Variants in CFAP44 observed in about 807,000 individuals in gnomAD.
CFAP44 encodes cilia and flagella associated protein 44, also known as cilia- and flagella-associated protein 44.
CFAP44 carries 134 observed loss-of-function variants against 216.2 expected under a neutral mutation model. The ratio of observed to expected loss-of-function variants is 0.62; its 90% CI spans 0.54 to 0.72. CFAP44 has a LOEUF of 0.72. Among genes scored for constraint, CFAP44 ranks in the 30% least tolerant of loss-of-function variants. The pLI is 0.00. For missense variants in CFAP44, 2,035 were observed against 2,182.1 expected (o/e 0.93, Z 1.34); for synonymous variants, 700 against 727.6 (o/e 0.96, Z 0.61).
intron 28 of CFAP44, among the ~76,000 whole-genome samples, chr3:113,324,517 G>C (rs925750149): frequency 7.2e-5 from 11 of 152,050 alleles, no homozygotes; most frequent in African/African-American, 2.7e-4. Context: ...AAAATTACAT[G>C]ATCATGAATC....
At chr3:113,317,173 T>C (rs1950096042) in intron 28 of CFAP44, among the ~76,000 whole-genome samples, 1 of 152,212 alleles carries the variant, frequency 6.6e-6, no homozygotes, top group Non-Finnish European at 1.5e-5. Context: ...TCTGGAATCC[T>C]GGCTATAGGG....
At chr3:113,427,103 T>C in intron 3 of CFAP44, 84 bp downstream of exon 3, 1 of 1,426,430 alleles carries the variant, frequency 7.0e-7, no homozygotes, top group South Asian at 1.2e-5. Flanking sequence ...CATTTTTCTT[T>C]CTATGGATTT....
Position 113,413,853 on chromosome 3 carries a change from G to A in CFAP44, c.673+2672C>T, listed in dbSNP as rs114124315. 7.1e-3 allele frequency among the ~76,000 whole-genome samples: 1,078 copies of A among 152,272 alleles called. 7 individuals carry two copies. The highest frequency in any genetic ancestry group is 0.013 in the Non-Finnish European group (878 of 68,016). On this transcript the variant is annotated intron_variant, in intron 6 of 34. Transcript: ENST00000393845. ...GTCTTGACTGTATGGGGTCTTCTTT[G>A]ATTCCACGTGAAACTTAAAATCACT... is the stretch of plus-strand genomic sequence containing the variant.
chr3:113,347,634 C>T (rs1005493976), intron 22 of CFAP44, among the ~76,000 whole-genome samples: 1 of 152,186 alleles, frequency 6.6e-6, no homozygotes, highest in Admixed American at 6.5e-5. Context: ...GGGAGACCAA[C>T]TATCCTTTTA....
intron 18 of CFAP44, among the ~76,000 whole-genome samples, chr3:113,372,663 G>T (rs979577093): frequency 1.3e-5 from 2 of 152,140 alleles, no homozygotes; most frequent in African/African-American, 4.8e-5. Flanking sequence ...AGCCAACATG[G>T]CATATGTATA....
intron 16 of CFAP44, 134 bp from the exon 17 acceptor site, chr3:113,379,685 A>C: frequency 3.2e-6 from 2 of 615,954 alleles, no homozygotes; most frequent in Non-Finnish European, 4.9e-6. Context: ...ATACTCACCA[A>C]TGCGAGAATA....
intron 9 of CFAP44, among the ~76,000 whole-genome samples, chr3:113,403,170 G>A (rs1934187607): frequency 6.6e-6 from 1 of 152,036 alleles, no homozygotes; most frequent in Non-Finnish European, 1.5e-5. Context: ...TCTTATGAAA[G>A]GCCCCACTGA....
At chr3:113,331,142 C>T (rs781062863) in intron 25 of CFAP44, among the ~76,000 whole-genome samples, 6 of 152,140 alleles carry the variant, frequency 3.9e-5, no homozygotes, top group Non-Finnish European at 8.8e-5. Flanking sequence ...TGTATTTTGG[C>T]CACATGATTA....
intron 23 of CFAP44, among the ~76,000 whole-genome samples, chr3:113,343,153 TG>T (rs1196995523): frequency 1.3e-5 from 2 of 148,722 alleles, no homozygotes; most frequent in African/African-American, 4.9e-5. Context: ...CCTCCACCTC[TG>T]GGGTTCAAGT....
chr3:113,391,719 T>C (rs1355652757), intron 15 of CFAP44, among the ~76,000 whole-genome samples: 1 of 152,142 alleles, frequency 6.6e-6, no homozygotes, highest in Non-Finnish European at 1.5e-5. Flanking sequence ...AAAAATCTAC[T>C]AATCCAATTT....
intron 5 of CFAP44, among the ~76,000 whole-genome samples, chr3:113,417,584 G>C (rs1934683538): frequency 6.6e-6 from 1 of 152,150 alleles, no homozygotes; most frequent in African/African-American, 2.4e-5. Flanking sequence ...ATAAGACAAA[G>C]AGCCTGGTTC....
chr3:113,406,825 A>G (rs1478833792), intron 8 of CFAP44, 102 bp downstream of exon 8: 2 of 682,810 alleles, frequency 2.9e-6, no homozygotes, highest in Non-Finnish European at 5.0e-6. Flanking sequence ...TTACAATAAT[A>G]TCTGTTATTG....
At chr3:113,422,051 T>C (rs1021247779) in intron 4 of CFAP44, among the ~76,000 whole-genome samples, 4 of 146,720 alleles carry the variant, frequency 2.7e-5, no homozygotes, top group Admixed American at 6.7e-5. Flanking sequence ...TTTAAATGTA[T>C]ATTGTTAGTA....
At position 113,409,097 on chromosome 3, in the gene CFAP44, C is replaced by T. The variant is rs1934378980; in HGVS notation, c.890+9G>A. On this transcript the variant is annotated intron_variant, in intron 7 of 34. Coordinates refer to ENST00000393845, the MANE Select transcript of CFAP44 (RefSeq NM_001164496.2). ...ATCTACTGGCACCTCTATTGGTTAC[C>T]CAACCTACTTGATGTGGCCTGATCC... 6.2e-7 allele frequency: 1 copy of T among 1,610,142 alleles called. No individual in the cohort carries two copies. The highest frequency in any genetic ancestry group is 8.5e-7 in the Non-Finnish European group (1 of 1,178,020).
Position 113,396,536 on chromosome 3 carries a change from C to T in CFAP44, c.1761G>A (p.Gly587=), listed in dbSNP as rs1169195495. The T allele has an allele frequency of 1.2e-6, 2 of 1,613,984 alleles. No individual in the cohort carries two copies. The highest frequency in any genetic ancestry group is 2.7e-5 in the African/African-American group (2 of 75,000). Residue 587 remains glycine (G), a synonymous_variant, in exon 14 of 35, where the codon GGG becomes GGA. Coordinates refer to ENST00000393845, the MANE Select transcript of CFAP44 (RefSeq NM_001164496.2). ...CVTALAYERD[G]EILATGSKDQ... is the part of the protein sequence containing the mutation. ...TGCTTACCCCTGTGGCTAGAATTTC[C>T]CCATCACGTTCATAAGCTAAAGCAG... is the stretch of plus-strand genomic sequence containing the variant.
chr3:113,331,291 T>C (rs1442668256), intron 25 of CFAP44, among the ~76,000 whole-genome samples: 1 of 152,108 alleles, frequency 6.6e-6, no homozygotes, highest in East Asian at 1.9e-4. Flanking sequence ...ACAGGGGCTA[T>C]ACAATCTCAT....
At chr3:113,407,399 T>A (rs1934317728) in intron 7 of CFAP44, among the ~76,000 whole-genome samples, 1 of 152,234 alleles carries the variant, frequency 6.6e-6, no homozygotes, top group South Asian at 2.1e-4. Flanking sequence ...CACTAGCCAA[T>A]TTCAAGTGCT....
chr3:113,326,699 G>A (rs1950192245), intron 27 of CFAP44, 59 bp from the exon 28 acceptor site: 1 of 1,076,088 alleles, frequency 9.3e-7, no homozygotes, highest in Non-Finnish European at 1.3e-6. Context: ...AGTTCAGAGA[G>A]CAATGTACTT....
chr3:113,370,393 G>A (rs1366623077), intron 18 of CFAP44, among the ~76,000 whole-genome samples: 1 of 152,068 alleles, frequency 6.6e-6, no homozygotes, highest in Non-Finnish European at 1.5e-5. Context: ...CAATCCAGTG[G>A]GCTTCACCCC....
Sources: gnomAD v4.1 joint callset for allele counts (sites outside exome capture counted in the v4.1 genomes callset) on GRCh38, gnomAD v4.1.1 for gene constraint, MANE v1.5 for transcripts, NCBI Gene and HGNC (gene_info 2026-07-23, HGNC 2026-07-21) for gene names.